The following PDE1C variants were observed in gnomAD, a reference collection of about 807,000 sequenced individuals.
PDE1C encodes the protein dual specificity calcium/calmodulin-dependent 3',5'-cyclic nucleotide phosphodiesterase 1C.
Under a neutral mutation model 93.1 loss-of-function variants are expected in PDE1C, and 62 were observed. The ratio of observed to expected loss-of-function variants is 0.67; its 90% CI spans 0.54 to 0.82. PDE1C has a LOEUF of 0.82. PDE1C is among the 40% of genes least tolerant of loss of function. The pLI is 0.00. For synonymous variants in PDE1C, 325 were observed against 310.1 expected (o/e 1.05, Z -0.50); for missense variants, 742 against 884.6 (o/e 0.84, Z 2.04).
chr7:32,226,999 T>C (rs1383424216), intron 1 of PDE1C, among the ~76,000 whole-genome samples: 1 of 152,136 alleles, frequency 6.6e-6, no homozygotes, highest in African/African-American at 2.4e-5. Context: ...CCTCAATTGC[T>C]TTCTTCCTTC....
At chr7:32,358,575 T>C (rs994805630) in intron 1 of PDE1C, among the ~76,000 whole-genome samples, 2 of 152,068 alleles carry the variant, frequency 1.3e-5, no homozygotes, top group African/African-American at 2.4e-5. Flanking sequence ...GAGACTGTCT[T>C]GAGCCTGCAT....
intron 3 of PDE1C, among the ~76,000 whole-genome samples, chr7:32,113,298 T>C (rs944139114): frequency 6.9e-6 from 1 of 144,530 alleles, no homozygotes; most frequent in Non-Finnish European, 1.5e-5. Flanking sequence ...TATATATATT[T>C]ATTATGTTTA....
intron 2 of PDE1C, among the ~76,000 whole-genome samples, chr7:31,933,556 G>A (rs1368113966): frequency 6.6e-6 from 1 of 152,166 alleles, no homozygotes; most frequent in African/African-American, 2.4e-5. Context: ...ACAGTTTTAG[G>A]ATGACACTTG....
chr7:32,341,238 C>G (rs1653882), intron 1 of PDE1C, among the ~76,000 whole-genome samples: 4 of 128,762 alleles, frequency 3.1e-5, no homozygotes, highest in African/African-American at 8.7e-5. Flanking sequence ...TGCAGTGGCG[C>G]GATCTCGGCT....
chr7:31,704,167 C>T, the PDE1C span, among the ~76,000 whole-genome samples: 2 of 152,170 alleles, frequency 1.3e-5, no homozygotes, highest in Admixed American at 6.5e-5. Context: ...AGATCAAAAT[C>T]CTGCACTTCT....
At chr7:32,112,268 C>T (rs1420705124) in intron 3 of PDE1C, among the ~76,000 whole-genome samples, 3 of 151,980 alleles carry the variant, frequency 2.0e-5, no homozygotes, top group African/African-American at 7.3e-5. Context: ...TTTCCTCTTC[C>T]TTCATCTTTT....
intron 2 of PDE1C, among the ~76,000 whole-genome samples, chr7:31,965,005 G>GA (rs1809680208): frequency 6.6e-6 from 1 of 152,040 alleles, no homozygotes; most frequent in African/African-American, 2.4e-5. Flanking sequence ...CAAAGATGGG[G>GA]AAAAAAACAG....
chr7:32,152,182 G>C (rs557727031), intron 3 of PDE1C, among the ~76,000 whole-genome samples: 1 of 152,294 alleles, frequency 6.6e-6, no homozygotes, highest in East Asian at 1.9e-4. Flanking sequence ...GTAGGTCATG[G>C]AGTGGAGTGG....
chr7:31,670,902 A>C, the PDE1C span, among the ~76,000 whole-genome samples: 83 of 152,270 alleles, frequency 5.5e-4, no homozygotes, highest in African/African-American at 1.8e-3. Flanking sequence ...CTATGGTTGA[A>C]TGTCAGAGAG....
At chr7:32,120,226 C>G (rs1035687123) in intron 3 of PDE1C, among the ~76,000 whole-genome samples, 1 of 152,206 alleles carries the variant, frequency 6.6e-6, no homozygotes, top group African/African-American at 2.4e-5. Flanking sequence ...GGCTCAGGGA[C>G]AGAACCCTGA....
chr7:32,124,918 A>G (rs1293397467), intron 3 of PDE1C, among the ~76,000 whole-genome samples: 1 of 152,218 alleles, frequency 6.6e-6, no homozygotes, highest in Non-Finnish European at 1.5e-5. Flanking sequence ...AAGAACTATC[A>G]TTAGAGTAAA....
chr7:31,883,924 G>T (rs1322622881), intron 2 of PDE1C, among the ~76,000 whole-genome samples: 4 of 152,226 alleles, frequency 2.6e-5, no homozygotes, highest in Admixed American at 2.0e-4. Context: ...TATGCATTCA[G>T]TGTGAAGTTC....
At chr7:31,711,428 T>C in the PDE1C span, among the ~76,000 whole-genome samples, 1 of 152,188 alleles carries the variant, frequency 6.6e-6, no homozygotes, top group Non-Finnish European at 1.5e-5. Context: ...GAAGCTGAGA[T>C]GGAGAGGAAG....
rs1243182087 is a variant in PDE1C at position 31,828,389 on chromosome 7, G to A, written c.1204-16C>T. 1.9e-6 allele frequency: 3 copies of A among 1,606,974 alleles called. No homozygotes were observed. Among genetic ancestry groups the A allele is most frequent in the Non-Finnish European group, 1.7e-6 (2 of 1,174,734 alleles). On this transcript the variant is annotated splice_polypyrimidine_tract_variant and intron_variant, in intron 11 of 17. Coordinates refer to ENST00000396191, the MANE Select transcript of PDE1C (RefSeq NM_001191057.4). ...CTCTGTCACCCTGGAAAAATAAAAG[G>A]TCATAGTAAATTAAGGAACAGTAGG...
chr7:31,902,797 T>C (rs747289211), intron 2 of PDE1C, among the ~76,000 whole-genome samples: 36 of 151,180 alleles, frequency 2.4e-4, no homozygotes, highest in South Asian at 1.2e-3. Context: ...AGTATAATTA[T>C]AATATTGATA....
intron 2 of PDE1C, among the ~76,000 whole-genome samples, chr7:31,949,304 C>CA (rs1584136880): frequency 2.0e-5 from 3 of 151,906 alleles, no homozygotes. Context: ...ACTAAAAATG[C>CA]AAAAAATTAG....
At chr7:32,155,646 T>C (rs994571412) in intron 3 of PDE1C, among the ~76,000 whole-genome samples, 8 of 152,176 alleles carry the variant, frequency 5.3e-5, no homozygotes, top group Admixed American at 2.0e-4. Context: ...CTGAATCATA[T>C]CACTTGCAAA....
rs189062853 is a variant in PDE1C, at chr7:32,421,781, C to T, written c.310+6041G>A. ...TGCCCCATCTACCTCAGAAAACTGT[C>T]GTGAAGATCAAATGTTAAAGAGGCT... is the stretch of plus-strand genomic sequence containing the variant. On this transcript the variant is annotated intron_variant, in intron 1 of 1. Coordinates refer to the PDE1C transcript ENST00000672256. 7.9e-5 allele frequency among the ~76,000 whole-genome samples: 12 copies of T among 152,208 alleles called. No homozygotes were observed. The East Asian group carries it at 2.1e-3, about 27-fold the overall frequency.
At chr7:31,800,239 G>C (rs1009908730) in intron 16 of PDE1C, among the ~76,000 whole-genome samples, 2 of 151,364 alleles carry the variant, frequency 1.3e-5, no homozygotes, top group Admixed American at 6.6e-5. Context: ...CCTAATAGAG[G>C]CTTTTGATAA....
Sources: allele counts gnomAD v4.1 joint callset (sites outside exome capture counted in the v4.1 genomes callset), GRCh38; gene constraint gnomAD v4.1.1; transcripts MANE v1.5; gene names NCBI Gene and HGNC (gene_info 2026-07-23, HGNC 2026-07-21).